CEP72: variants seen among roughly 807,000 people sequenced by gnomAD.
CEP72 encodes centrosomal protein of 72 kDa.
In CEP72, 78 loss-of-function variants were observed where a neutral mutation model predicts 65.7. The observed-to-expected ratio is 1.19, with a 90% CI of 0.99 to 1.43. The LOEUF is 1.43. Ranked by LOEUF, CEP72 falls within the 40% of genes most tolerant of loss-of-function variation. CEP72 has a pLI of 0.00. For missense variants in CEP72, 914 were observed against 832.9 expected, an observed-to-expected ratio of 1.10 and a Z score of -1.20; for synonymous variants, 358 against 351.7, an observed-to-expected ratio of 1.02 and a Z score of -0.20.
downstream of CEP72, among the ~76,000 whole-genome samples, chr5:654,289 T>C (rs938124512): frequency 2.0e-5 from 3 of 148,086 alleles, no homozygotes; most frequent in African/African-American, 5.2e-5. Flanking sequence ...GCTGTGTGTG[T>C]GTGCAGTTGC....
chr5:621,482 C>T (rs1375057484), intron 3 of CEP72, among the ~76,000 whole-genome samples: 1 of 152,226 alleles, frequency 6.6e-6, no homozygotes, highest in Admixed American at 6.5e-5. Context: ...GGGTACTGCC[C>T]GTTGTGGGCG....
At chr5:638,878 A>C (rs919456041) in intron 7 of CEP72, among the ~76,000 whole-genome samples, 3 of 152,082 alleles carry the variant, frequency 2.0e-5, no homozygotes, top group Non-Finnish European at 2.9e-5. Flanking sequence ...CCTGTCATCG[A>C]GACCTCACTC....
At chr5:642,937 A>C in intron 9 of CEP72, 1 of 985,438 alleles carries the variant, frequency 1.0e-6, no homozygotes, top group Non-Finnish European at 1.2e-6. Context: ...GGGTGTCCTG[A>C]GGCAAGGTGG....
intron 3 of CEP72, among the ~76,000 whole-genome samples, chr5:622,859 C>T (rs1364669386): frequency 6.6e-6 from 1 of 152,226 alleles, no homozygotes; most frequent in Non-Finnish European, 1.5e-5. Context: ...GTTTATTTGG[C>T]CAATTAACCA....
chr5:668,230 CGTGTGG>C (rs1740020904), downstream of CEP72, among the ~76,000 whole-genome samples: 2 of 93,694 alleles, frequency 2.1e-5, no homozygotes, highest in Non-Finnish European at 4.3e-5. Flanking sequence ...GAGAGGGGGC[CGTGTGG>C]GCGCCGTCAG....
downstream of CEP72, among the ~76,000 whole-genome samples, chr5:668,185 G>A (rs1291931051): frequency 1.6e-5 from 2 of 125,576 alleles, no homozygotes; most frequent in Non-Finnish European, 3.4e-5. Context: ...AGGGGTCCGC[G>A]TGGGCGCCGT....
chr5:655,153 G>A (rs1470940989), downstream of CEP72, among the ~76,000 whole-genome samples: 1 of 152,164 alleles, frequency 6.6e-6, no homozygotes, highest in Non-Finnish European at 1.5e-5. The surrounding 1 kb of genome is among the most constrained non-coding windows in gnomAD (Gnocchi z 5.0). Flanking sequence ...TTGAGGCCAG[G>A]AGTTTGAGAC....
chr5:612,634 C>T lies in CEP72; in HGVS notation c.82+191C>T, dbSNP rs1166443923. The T allele has an allele frequency of 4.1e-6, 4 of 985,046 alleles. No homozygotes were observed. In the African/African-American group the frequency reaches 5.2e-5, roughly 13 times the overall value. The allele number at this position is 985,046 out of a possible 1,614,324, so 61.0% of individuals were successfully genotyped here. ...ACCCACCCCCCGTGCCCAGGTGCGG[C>T]CCCTGCCCGCGTTCGGGTCCCGGCG... is the stretch of plus-strand genomic sequence containing the variant. On this transcript the variant is annotated intron_variant, in intron 1 of 11. Coordinates refer to ENST00000264935, the MANE Select transcript of CEP72 (RefSeq NM_018140.4).
At chr5:635,712 C>T (rs1256935364) in intron 6 of CEP72, 128 bp downstream of exon 6, 36 of 731,122 alleles carry the variant, frequency 4.9e-5, no homozygotes, top group Middle Eastern at 7.9e-4. Context: ...AGCACGGTGC[C>T]GGCACCTGGT....
chr5:635,912 C>T (rs1737565993), intron 6 of CEP72, among the ~76,000 whole-genome samples: 1 of 152,024 alleles, frequency 6.6e-6, no homozygotes, highest in Non-Finnish European at 1.5e-5. Flanking sequence ...TGCGATACAG[C>T]ATTCCCGCCT....
intron 4 of CEP72, among the ~76,000 whole-genome samples, chr5:625,472 C>T (rs1736693821): frequency 6.6e-6 from 1 of 152,186 alleles, no homozygotes; most frequent in Non-Finnish European, 1.5e-5. Context: ...CTTTGCAGGG[C>T]GGAGGCAGCC....
chr5:620,322 G>T, intron 3 of CEP72, 61 bp downstream of exon 3: 1 of 1,399,918 alleles, frequency 7.1e-7, no homozygotes, highest in Non-Finnish European at 1.0e-6. Context: ...GAGTCGGGGA[G>T]TCGTAGTGGG....
downstream of CEP72, among the ~76,000 whole-genome samples, chr5:669,944 G>A (rs560312468): frequency 1.3e-4 from 20 of 152,258 alleles, no homozygotes; most frequent in South Asian, 1.4e-3. Context: ...AGGAGCCTCC[G>A]AGTGTGGAGC....
chr5:643,248 T>C, intron 9 of CEP72: 3 of 985,346 alleles, frequency 3.0e-6, no homozygotes, highest in Non-Finnish European at 3.6e-6. Context: ...AGCCCTGCCT[T>C]AAGAGCTCAC....
chr5:629,354 A>G (rs1175912707), intron 4 of CEP72, among the ~76,000 whole-genome samples: 1 of 152,288 alleles, frequency 6.6e-6, no homozygotes, highest in African/African-American at 2.4e-5. Context: ...CACATAGCAG[A>G]ACAGAATCTT....
Position 635,492 on chromosome 5 carries a change from G to A in CEP72, c.812G>A (p.Ser271Asn), listed in dbSNP as rs1219324936. ...RGCCLEKMPWSQLCGELPPLY... is the reference protein window; with the variant it reads ...RGCCLEKMPWNQLCGELPPLY... Reference sequence around the variant, plus strand: ...TGCTGTCTGGAGAAGATGCCTTGGAGCCAGCTCTGTGGAGAGCTTCCGCCA... The same window carrying A: ...TGCTGTCTGGAGAAGATGCCTTGGAACCAGCTCTGTGGAGAGCTTCCGCCA... The change falls in exon 6 of 12, where the codon AGC (serine) becomes AAC (asparagine). Residue 271 changes from serine to asparagine, a missense_variant. Transcript: ENST00000264935. 2 of 1,614,032 alleles carry A rather than the reference G, an allele frequency of 1.2e-6. No individual in the cohort carries two copies. The highest frequency in any genetic ancestry group is 3.3e-5 in the Admixed American group (2 of 60,010).
chr5:652,664 C>T (rs963517266), intron 11 of CEP72, among the ~76,000 whole-genome samples: 2 of 152,234 alleles, frequency 1.3e-5, no homozygotes, highest in African/African-American at 4.8e-5. Flanking sequence ...AGTTTATCAT[C>T]TTCTCATAAA....
chr5:618,928 G>C (rs1736169771), intron 1 of CEP72, 62 bp from the exon 2 acceptor site: 1 of 1,359,404 alleles, frequency 7.4e-7, no homozygotes, highest in Admixed American at 1.8e-5. Flanking sequence ...CCAAGAACTT[G>C]ACCGTTATTA....
chr5:642,472 T>C (rs1418121948), intron 9 of CEP72: 3 of 985,380 alleles, frequency 3.0e-6, no homozygotes, highest in African/African-American at 1.7e-5. Context: ...TGATGTCTTT[T>C]CTGTGGGACA....
Sources: gnomAD v4.1 joint callset for allele counts (sites outside exome capture counted in the v4.1 genomes callset) on GRCh38, gnomAD v4.1.1 for gene constraint, Gnocchi (gnomAD v3.1) non-coding constraint, MANE v1.5 for transcripts, NCBI Gene and HGNC (gene_info 2026-07-23, HGNC 2026-07-21) for gene names.